The following QSOX2 variants were observed in gnomAD, a reference collection of about 807,000 sequenced individuals.
QSOX2 encodes sulfhydryl oxidase 2.
In QSOX2, 46 loss-of-function variants were observed where a neutral mutation model predicts 61.7. That is an observed-to-expected ratio of 0.75 (90% CI 0.59 to 0.95). The LOEUF is 0.95. Among genes scored for constraint, QSOX2 ranks in the 40% least tolerant of loss-of-function variants. QSOX2 has a pLI of 0.00. For synonymous variants in QSOX2, 383 were observed against 388.4 expected (o/e 0.99, Z 0.16); for missense variants, 879 against 918.9 (o/e 0.96, Z 0.56).
intron 3 of QSOX2, among the ~76,000 whole-genome samples, chr9:136,224,358 G>T (rs781110920): frequency 1.3e-5 from 2 of 152,232 alleles, no homozygotes; most frequent in Non-Finnish European, 2.9e-5. Context: ...ACAGGGACAG[G>T]CAACAGAGGC....
In QSOX2 at chr9:136,221,412, C is replaced by A. The variant is rs1471366472; in HGVS notation, c.821+384G>T. Among the ~76,000 whole-genome samples the A allele has an allele frequency of 3.9e-5, 6 of 152,226 alleles. No homozygotes were observed. The highest frequency in any genetic ancestry group is 7.3e-5 in the Non-Finnish European group (5 of 68,028). ...GTGGGCACGTGGGCTTGTCTGCCAG[C>A]CCCAGACACAGACCCAAACTGCATC... On this transcript the variant is annotated intron_variant, in intron 6 of 11. Transcript: ENST00000358701. The surrounding 1 kb of genome is among the most constrained non-coding windows in gnomAD (Gnocchi z 4.5).
chr9:136,209,922 C>A lies in QSOX2; in HGVS notation c.1550-647G>T. On this transcript the variant is annotated intron_variant, in intron 11 of 11. Coordinates refer to ENST00000358701, the MANE Select transcript of QSOX2 (RefSeq NM_181701.4). This position sits in a 1 kb window ranked among gnomAD's most constrained non-coding sequence, Gnocchi z 5.6. ...ACAGGCATCCGTCATGCAGAAGCTGCGGCGCACGGCGCCTCCTAGCTCTCG... is the reference window on the plus strand; with the variant it reads ...ACAGGCATCCGTCATGCAGAAGCTGAGGCGCACGGCGCCTCCTAGCTCTCG... 1 of 985,400 alleles carries A rather than the reference C, an allele frequency of 1.0e-6. No homozygotes were observed. Among genetic ancestry groups the A allele is most frequent in the Non-Finnish European group, 1.2e-6 (1 of 829,916 alleles). 61.0% of individuals were successfully genotyped at this position (985,400 alleles called of 1,614,324 possible). A position where few individuals can be genotyped will look rare whatever the true frequency, so the allele number is the denominator to read the frequency against.
In QSOX2 at chr9:136,207,019, G is replaced by C. The variant is rs867013441; in HGVS notation, c.*1709C>G. 1.4e-4 allele frequency: 21 copies of C among 152,294 alleles called. No individual in the cohort carries two copies. Among genetic ancestry groups the C allele is most frequent in the Non-Finnish European group, 2.1e-4 (14 of 68,036 alleles). The allele number at this position is 152,294 out of a possible 1,614,324, so 9.4% of individuals were successfully genotyped here. A position where few individuals can be genotyped will look rare whatever the true frequency, so the allele number is the denominator to read the frequency against. On this transcript the variant is annotated 3_prime_UTR_variant, in exon 12 of 12. Coordinates refer to ENST00000358701, the MANE Select transcript of QSOX2 (RefSeq NM_181701.4). The stretch of plus-strand genomic sequence containing the variant: ...GCACTGGATGAAGCAATGAAGGCAA[G>C]GTCACGGCTGCTAAAGCACAGAGGG...
intron 10 of QSOX2, 36 bp from the exon 11 acceptor site, chr9:136,211,488 G>A (rs754017645): frequency 1.2e-6 from 2 of 1,604,298 alleles, no homozygotes; most frequent in Non-Finnish European, 1.7e-6. Context: ...AACGGCAGGT[G>A]CGTGGGCATC....
chr9:136,238,512 C>T (rs73670204), intron 1 of QSOX2, among the ~76,000 whole-genome samples: 230 of 152,310 alleles, frequency 1.5e-3, no homozygotes, highest in African/African-American at 5.3e-3. Flanking sequence ...AAAGACAACG[C>T]TCCCCGGGCC....
intron 2 of QSOX2, among the ~76,000 whole-genome samples, chr9:136,225,802 T>C (rs988762308): frequency 2.6e-5 from 4 of 152,324 alleles, no homozygotes; most frequent in Non-Finnish European, 5.9e-5. Context: ...ATGAGCATCG[T>C]AGTGGATCTG....
Position 136,218,841 on chromosome 9 carries a change from C to T in QSOX2, c.957-33G>A, listed in dbSNP as rs758676802. The T allele has an allele frequency of 2.5e-6, 4 of 1,604,330 alleles. No individual in the cohort carries two copies. In the African/African-American group the frequency reaches 4.0e-5, roughly 16 times the overall value. On this transcript the variant is annotated intron_variant, in intron 7 of 11. Coordinates refer to ENST00000358701, the MANE Select transcript of QSOX2 (RefSeq NM_181701.4). ...GGGATATGGCAGCGTCAGGGAATGC[C>T]CAACCTTTCCCTCCACAGCAAGTCT...
chr9:136,223,627 A>G lies in QSOX2; in HGVS notation c.675+136T>C. The G allele has an allele frequency of 1.6e-6, 1 of 640,278 alleles. No individual in the cohort carries two copies. The highest frequency in any genetic ancestry group is 2.7e-6 in the Non-Finnish European group (1 of 369,998). 39.7% of individuals were successfully genotyped at this position (640,278 alleles called of 1,614,324 possible). ...GAGTAACATTAACTAAGCTTCTGAT[A>G]ATGAACAAGACCTAAAGCCACAGAC... On this transcript the variant is annotated intron_variant, in intron 5 of 11. Transcript: ENST00000358701. This position sits in a 1 kb window ranked among gnomAD's most constrained non-coding sequence, Gnocchi z 4.4.
intron 6 of QSOX2, 115 bp from the exon 7 acceptor site, chr9:136,219,279 T>TG: frequency 1.5e-6 from 2 of 1,300,602 alleles, no homozygotes; most frequent in South Asian, 3.1e-5. Flanking sequence ...GGGCATTTAT[T>TG]GGGGCATGGG....
intron 11 of QSOX2, chr9:136,210,853 A>C: frequency 1.0e-6 from 1 of 985,152 alleles, no homozygotes; most frequent in Non-Finnish European, 1.2e-6. Context: ...AACAAAACAA[A>C]GCACTTTGAG....
At chr9:136,238,522 C>T (rs1383559166) in intron 1 of QSOX2, among the ~76,000 whole-genome samples, 1 of 152,226 alleles carries the variant, frequency 6.6e-6, no homozygotes, top group African/African-American at 2.4e-5. Context: ...CTCCCCGGGC[C>T]TCATTCCCGC....
rs1043066461 is a variant in QSOX2, at chr9:136,211,248, C to T, written c.1549+16G>A. ...CTCCGCCCGTGCTGAGCCCCCCATG[C>T]CCAGGGGCTTCTCACCTGCCAGGCG... On this transcript the variant is annotated intron_variant, in intron 11 of 11. Transcript: ENST00000358701. 1.9e-6 allele frequency: 3 copies of T among 1,612,608 alleles called. No homozygotes were observed. In the African/African-American group the frequency reaches 4.0e-5, roughly 21 times the overall value.
intron 1 of QSOX2, among the ~76,000 whole-genome samples, chr9:136,243,159 G>A (rs753273573): frequency 2.6e-5 from 4 of 152,166 alleles, no homozygotes; most frequent in South Asian, 2.1e-4. Context: ...ACACCCTGCA[G>A]GAAATCAAAA....
chr9:136,218,862 A>C (rs1383195939), intron 7 of QSOX2, 54 bp from the exon 8 acceptor site: 1 of 1,598,542 alleles, frequency 6.3e-7, no homozygotes, highest in Non-Finnish European at 8.5e-7. Flanking sequence ...CTCCACAGCA[A>C]GTCTCCCTGT....
chr9:136,207,750 G>A lies in QSOX2; in HGVS notation c.*978C>T, dbSNP rs1049027506. 6.6e-6 allele frequency: 1 copy of A among 152,260 alleles called. No homozygotes were observed. Among genetic ancestry groups the A allele is most frequent in the Non-Finnish European group, 1.5e-5 (1 of 68,098 alleles). 9.4% of individuals were successfully genotyped at this position (152,260 alleles called of 1,614,324 possible). On this transcript the variant is annotated 3_prime_UTR_variant, in exon 12 of 12. Transcript: ENST00000358701. The stretch of plus-strand genomic sequence containing the variant: ...GTGCTGGGTGAAGAGCAGACGACAG[G>A]GGGGGCTTTAGAAGTCTCCCTGGGG...
Position 136,224,071 on chromosome 9 carries a change from C to T in QSOX2, c.520G>A (p.Asp174Asn). 6.2e-7 allele frequency: 1 copy of T among 1,614,082 alleles called. No individual in the cohort carries two copies. The highest frequency in any genetic ancestry group is 1.3e-5 in the African/African-American group (1 of 75,018). The change falls in exon 4 of 12, where the codon GAC becomes AAC. Residue 174 changes from aspartate (D) to asparagine (N), a missense_variant. Transcript: ENST00000358701. ...ELRTVRQTMIDFLQNHTEGSR... is the reference protein window; with the variant it reads ...ELRTVRQTMINFLQNHTEGSR... ...CCTTCCGTGTGGTTCTGCAGGAAGT[C>T]AATCATCGTCTGTCTGACTGTTCGC...
chr9:136,234,441 G>A (rs1469303719), intron 1 of QSOX2, among the ~76,000 whole-genome samples: 1 of 152,168 alleles, frequency 6.6e-6, no homozygotes, highest in African/African-American at 2.4e-5. Flanking sequence ...TGAGCCCCTG[G>A]AGGGCCGCCC....
intron 1 of QSOX2, among the ~76,000 whole-genome samples, chr9:136,236,571 C>T (rs181202909): frequency 6.7e-6 from 1 of 149,712 alleles, no homozygotes; most frequent in East Asian, 2.0e-4. Flanking sequence ...CAAAACCCAG[C>T]GTGCGCCCCG....
In QSOX2 at chr9:136,208,567, C is replaced by T. The variant is rs7024579; in HGVS notation, c.*161G>A. On this transcript the variant is annotated 3_prime_UTR_variant, in exon 12 of 12. Coordinates refer to ENST00000358701, the MANE Select transcript of QSOX2 (RefSeq NM_181701.4). ...CCGTGTTCTTCCCTTGTTAGAAGAG[C>T]GTTTGTAAAACCAGGACTTTGAAGC... The T allele has an allele frequency of 0.27, 198,253 of 738,982 alleles. 29,103 individuals are homozygous for T. Among genetic ancestry groups the T allele is most frequent in the Non-Finnish European group, 0.31 (147,144 of 479,830 alleles). The allele number at this position is 738,982 out of a possible 1,614,324, so 45.8% of individuals were successfully genotyped here.
Sources: allele counts gnomAD v4.1 joint callset (sites outside exome capture counted in the v4.1 genomes callset), GRCh38; gene constraint gnomAD v4.1.1; non-coding constraint Gnocchi (gnomAD v3.1); transcripts MANE v1.5; gene names NCBI Gene and HGNC (gene_info 2026-07-23, HGNC 2026-07-21).